GPC3: variants seen among roughly 807,000 people sequenced by gnomAD.
The protein encoded by GPC3 is glypican 3, also known as glypican-3.
GPC3 carries 3 observed loss-of-function variants against 34.4 expected under a neutral mutation model. The ratio of observed to expected loss-of-function variants is 0.09; its 90% CI spans 0.04 to 0.23. GPC3 has a LOEUF of 0.23. GPC3 is among the 10% of genes least tolerant of loss of function. GPC3 has a pLI of 1.00. For synonymous variants in GPC3, 177 were observed against 174.0 expected (o/e 1.02, Z -0.13); for missense variants, 351 against 445.6 (o/e 0.79, Z 1.91).
At chrX:133,739,188 A>G (rs2124469208) in intron 3 of GPC3, among the ~76,000 whole-genome samples, 1 of 111,379 alleles carries the variant, frequency 9.0e-6, no homozygotes, top group Non-Finnish European at 1.9e-5. Flanking sequence ...CTTGGAACAT[A>G]TCTCTCTGTG....
At position 133,823,128 on chromosome X, in the gene GPC3, C is replaced by CAAAAAAAAA. The variant is rs34231185; in HGVS notation, c.338-68961_338-68953dup. On this transcript the variant is annotated intron_variant, in intron 2 of 7. Transcript: ENST00000370818. ...TGGGTGACAGAGCAAGACTCCGTCT[C>CAAAAAAAAA]AAAAAAAAAAAAAAAAAAAAAAAAA... Among the ~76,000 whole-genome samples, 5 of 18,869 alleles carry CAAAAAAAAA rather than the reference C, an allele frequency of 2.6e-4. 1 individual carries two copies. Among genetic ancestry groups the CAAAAAAAAA allele is most frequent in the Admixed American group, 1.1e-3 (1 of 926 alleles). 16.4% of individuals were successfully genotyped at this position (18,869 alleles called of 115,157 possible). A position where few individuals can be genotyped will look rare whatever the true frequency, so the allele number is the denominator to read the frequency against.
rs973470331 is a variant in GPC3, at chrX:133,724,540, C to T, written c.1033-24512G>A. ...GCCCCAGTTTGAAATTTAAAAGCCA[C>T]TAATCATTCTTTCTGGGACACCGAA... On this transcript the variant is annotated intron_variant, in intron 3 of 7. Transcript: ENST00000370818. 4.5e-5 allele frequency among the ~76,000 whole-genome samples: 5 copies of T among 111,648 alleles called. No homozygotes were observed. The Admixed American group carries it at 4.8e-4, about 11-fold the overall frequency.
At chrX:133,949,128 G>A (rs1392390711) in intron 2 of GPC3, among the ~76,000 whole-genome samples, 1 of 112,314 alleles carries the variant, frequency 8.9e-6, no homozygotes, top group Non-Finnish European at 1.9e-5. Flanking sequence ...GCTCATAAAT[G>A]CAGATCTAGA....
intron 3 of GPC3, among the ~76,000 whole-genome samples, chrX:133,718,270 G>A (rs1259173591): frequency 8.9e-6 from 1 of 111,896 alleles, no homozygotes; most frequent in South Asian, 3.7e-4. Context: ...AATGTAATTT[G>A]TATGACAGTA....
intron 7 of GPC3, among the ~76,000 whole-genome samples, chrX:133,595,588 T>C (rs1388115008): frequency 9.0e-6 from 1 of 111,151 alleles, no homozygotes; most frequent in Non-Finnish European, 1.9e-5. Flanking sequence ...TGGAGCACAG[T>C]GGCAGAATCT....
chrX:133,690,254 T>C (rs7056342), intron 5 of GPC3, among the ~76,000 whole-genome samples: 6,639 of 110,962 alleles, frequency 0.06, 534 homozygotes, highest in African/African-American at 0.21. Flanking sequence ...TTTTGTTTTG[T>C]GTTGGAAAGA....
intron 2 of GPC3, among the ~76,000 whole-genome samples, chrX:133,800,561 G>A (rs1449529857): frequency 8.9e-6 from 1 of 111,767 alleles, no homozygotes; most frequent in East Asian, 2.8e-4. Flanking sequence ...AGTCTGTTTG[G>A]GCTCATTTTT....
intron 7 of GPC3, among the ~76,000 whole-genome samples, chrX:133,552,272 G>A (rs939337882): frequency 8.9e-6 from 1 of 112,151 alleles, no homozygotes; most frequent in Non-Finnish European, 1.9e-5. Flanking sequence ...GAGGTCTCAT[G>A]GCAGGGAAGA....
chrX:133,938,083 C>G (rs1224724010), intron 2 of GPC3, among the ~76,000 whole-genome samples: 1 of 111,971 alleles, frequency 8.9e-6, no homozygotes, highest in Non-Finnish European at 1.9e-5. Context: ...TTCACTAAGC[C>G]AAATTGATGA....
At chrX:133,880,095 A>T (rs1485538020) in intron 2 of GPC3, among the ~76,000 whole-genome samples, 1 of 111,906 alleles carries the variant, frequency 8.9e-6, no homozygotes, top group Non-Finnish European at 1.9e-5. Context: ...AGAGAGAAAA[A>T]ATAAACACAA....
At chrX:133,571,142 C>A (rs1297592015) in intron 7 of GPC3, among the ~76,000 whole-genome samples, 1 of 111,663 alleles carries the variant, frequency 9.0e-6, no homozygotes, top group Non-Finnish European at 1.9e-5. Context: ...TATAAATCTA[C>A]AAGTGAGAAC....
intron 3 of GPC3, among the ~76,000 whole-genome samples, chrX:133,703,651 A>G (rs1164554123): frequency 9.0e-6 from 1 of 111,110 alleles, no homozygotes; most frequent in Non-Finnish European, 1.9e-5. Flanking sequence ...TAGTAGAGAC[A>G]GTGTTTCACC....
intron 7 of GPC3, among the ~76,000 whole-genome samples, chrX:133,575,088 G>C (rs1212472985): frequency 9.0e-6 from 1 of 111,672 alleles, no homozygotes; most frequent in East Asian, 2.8e-4. Flanking sequence ...TTTGAATTTT[G>C]GCTGGACCAT....
intron 2 of GPC3, among the ~76,000 whole-genome samples, chrX:133,814,400 G>C (rs760901722): frequency 9.9e-5 from 11 of 110,989 alleles, no homozygotes; most frequent in Non-Finnish European, 2.1e-4. Flanking sequence ...CGAAAACTGA[G>C]GCTTGTCTGC....
Position 133,985,198 on chromosome X carries a change from G to A in GPC3, c.175+77C>T, listed in dbSNP as rs1013694387. On this transcript the variant is annotated intron_variant, in intron 1 of 7. Transcript: ENST00000370818. Reference sequence around the variant, plus strand: ...GCACGACTACAGCCCGGCGGGGCTAGCGCGCTCAGGGTACAGCCACCACGC... The same window carrying A: ...GCACGACTACAGCCCGGCGGGGCTAACGCGCTCAGGGTACAGCCACCACGC... The A allele has an allele frequency of 1.1e-4, 117 of 1,084,811 alleles. No homozygotes were observed. In the African/African-American group the frequency reaches 1.9e-3, roughly 17 times the overall value. 89.4% of individuals were successfully genotyped at this position (1,084,811 alleles called of 1,213,427 possible).
chrX:133,645,423 C>T lies in GPC3; in HGVS notation c.1413+16307G>A, dbSNP rs192501716. Among the ~76,000 whole-genome samples, 226 of 111,778 alleles carry T rather than the reference C, an allele frequency of 2.0e-3. 1 individual carries two copies. Among genetic ancestry groups the T allele is most frequent in the African/African-American group, 6.9e-3 (213 of 30,803 alleles). On this transcript the variant is annotated intron_variant, in intron 6 of 7. Coordinates refer to ENST00000370818, the MANE Select transcript of GPC3 (RefSeq NM_004484.4). ...ACCCTCTATAAATACACCCAGATTG[C>T]GTGGGCCTGAATTGAACACTCTGGC...
chrX:133,941,144 G>A (rs147245653), intron 2 of GPC3, among the ~76,000 whole-genome samples: 1,496 of 112,354 alleles, frequency 0.013, 14 homozygotes, highest in Non-Finnish European at 0.02. Context: ...AAGCACTTTG[G>A]CCTCACTGGC....
chrX:133,911,190 T>C (rs2076197734), intron 2 of GPC3, among the ~76,000 whole-genome samples: 1 of 112,622 alleles, frequency 8.9e-6, no homozygotes, highest in African/African-American at 3.2e-5. Context: ...CTAACTACTA[T>C]GGGAGACATT....
intron 7 of GPC3, among the ~76,000 whole-genome samples, chrX:133,549,092 C>T (rs2069410422): frequency 9.0e-6 from 1 of 111,654 alleles, no homozygotes; most frequent in Non-Finnish European, 1.9e-5. Flanking sequence ...ACACTGTCAT[C>T]CTGGCTCCAT....
Sources: gnomAD v4.1 joint callset for allele counts (sites outside exome capture counted in the v4.1 genomes callset) on GRCh38, gnomAD v4.1.1 for gene constraint, MANE v1.5 for transcripts, NCBI Gene and HGNC (gene_info 2026-07-23, HGNC 2026-07-21) for gene names.